The following PUDP variants were observed in gnomAD, a reference collection of about 807,000 sequenced individuals.
PUDP encodes the protein pseudouridine 5'-phosphatase, also known as pseudouridine-5'-phosphatase.
PUDP carries 8 observed loss-of-function variants against 9.4 expected under a neutral mutation model. The observed-to-expected ratio is 0.85, with a 90% confidence interval of 0.50 to 1.53. The LOEUF (loss-of-function observed/expected upper bound fraction) is 1.53, where lower values mean the gene tolerates loss of function less well. Among genes scored for constraint, PUDP ranks in the 40% most tolerant of loss-of-function variants. The probability of loss-of-function intolerance (pLI) is 0.00; values close to 1 mark genes in which losing one functional copy is unlikely to be tolerated. For synonymous variants in PUDP, 99 were observed against 80.7 expected, an observed-to-expected ratio of 1.23 and a Z score of -1.22; for missense variants, 188 against 189.7, an observed-to-expected ratio of 0.99 and a Z score of 0.05.
chrX:7,016,166 G>C (rs1203990820), intron 1 of PUDP, among the ~76,000 whole-genome samples: 2 of 108,217 alleles, frequency 1.8e-5, no homozygotes, highest in Admixed American at 2.0e-4. Context: ...CTCCATCTCT[G>C]CAAAAAATTA....
chrX:7,038,068 T>C (rs1244316840), intron 1 of PUDP, among the ~76,000 whole-genome samples: 1 of 112,701 alleles, frequency 8.9e-6, no homozygotes, highest in African/African-American at 3.2e-5. Context: ...ATTGCTTATA[T>C]AGACAGCCAC....
chrX:6,747,962 T>C (rs906762241), intron 3 of PUDP, among the ~76,000 whole-genome samples: 3 of 111,989 alleles, frequency 2.7e-5, no homozygotes, highest in African/African-American at 9.8e-5. Context: ...TACATGTCCT[T>C]CAGTTCATCA....
At chrX:7,111,892 T>C (rs1213864488) in intron 1 of PUDP, among the ~76,000 whole-genome samples, 3 of 110,821 alleles carry the variant, frequency 2.7e-5, no homozygotes, top group Non-Finnish European at 5.7e-5. Flanking sequence ...TTATAGGGAA[T>C]TGACAAGATC....
At chrX:7,079,493 C>T (rs1931017710) in intron 2 of PUDP, among the ~76,000 whole-genome samples, 1 of 112,685 alleles carries the variant, frequency 8.9e-6, no homozygotes, top group African/African-American at 3.2e-5. Flanking sequence ...TGTAATACTT[C>T]TCCCAACAAC....
chrX:6,706,623 C>T (rs1252130055), intron 1 of PUDP, among the ~76,000 whole-genome samples: 1 of 111,558 alleles, frequency 9.0e-6, no homozygotes, highest in Non-Finnish European at 1.9e-5. Context: ...AAGTGAGGTG[C>T]CGTGAAGGTG....
chrX:7,039,443 G>A (rs1929893549), intron 1 of PUDP, among the ~76,000 whole-genome samples: 1 of 112,122 alleles, frequency 8.9e-6, no homozygotes, highest in Non-Finnish European at 1.9e-5. Context: ...TGTATTTGGA[G>A]ATGGGTCATT....
At chrX:6,776,456 G>A (rs1211982478) in intron 3 of PUDP, among the ~76,000 whole-genome samples, 2 of 111,071 alleles carry the variant, frequency 1.8e-5, no homozygotes, top group African/African-American at 3.3e-5. Flanking sequence ...GCTTGAACCC[G>A]GGATGCAGAG....
intron 3 of PUDP, among the ~76,000 whole-genome samples, chrX:6,946,435 C>T (rs1479451271): frequency 2.7e-5 from 3 of 112,161 alleles, no homozygotes; most frequent in African/African-American, 9.7e-5. Context: ...GCTACATTTC[C>T]CAGTCTGTCA....
chrX:6,790,174 C>T (rs1003900141), intron 3 of PUDP, among the ~76,000 whole-genome samples: 1 of 111,069 alleles, frequency 9.0e-6, no homozygotes, highest in Non-Finnish European at 1.9e-5. Flanking sequence ...AGACAGATGA[C>T]AGATAATAGA....
chrX:6,921,079 G>C (rs766674946), intron 3 of PUDP, among the ~76,000 whole-genome samples: 1 of 110,679 alleles, frequency 9.0e-6, no homozygotes, highest in Admixed American at 9.7e-5. Context: ...CTTGAGTCAC[G>C]GGTCATCAGA....
chrX:6,966,429 C>T (rs1229586426), intron 3 of PUDP, among the ~76,000 whole-genome samples: 2 of 111,352 alleles, frequency 1.8e-5, no homozygotes, highest in African/African-American at 6.5e-5. Context: ...GATTATCTCA[C>T]TCTGCCATTT....
intron 3 of PUDP, among the ~76,000 whole-genome samples, chrX:6,927,992 T>C (rs1928132729): frequency 9.5e-6 from 1 of 105,463 alleles, no homozygotes; most frequent in Admixed American, 1.0e-4. Context: ...AGACAGACTG[T>C]CATCCAGGCT....
At chrX:7,076,171 C>A (rs1261824686) in intron 3 of PUDP, among the ~76,000 whole-genome samples, 2 of 112,055 alleles carry the variant, frequency 1.8e-5, no homozygotes, top group African/African-American at 3.2e-5. Flanking sequence ...AAAAACAGGT[C>A]TTTCAAGACT....
intron 3 of PUDP, among the ~76,000 whole-genome samples, chrX:6,753,040 G>C (rs2146671149): frequency 9.0e-6 from 1 of 110,626 alleles, no homozygotes; most frequent in African/African-American, 3.3e-5. Context: ...TACCTCTTTA[G>C]TGGTGATTTG....
intron 3 of PUDP, among the ~76,000 whole-genome samples, chrX:6,762,064 C>T (rs747191664): frequency 9.9e-5 from 11 of 111,442 alleles, no homozygotes; most frequent in Non-Finnish European, 1.3e-4. Flanking sequence ...ACGTGGCATA[C>T]GCCTGTAGTC....
rs1164222079 is a variant in PUDP at position 6,955,576 on chromosome X, T to C, written c.*247+21557A>G. Among the ~76,000 whole-genome samples, 2 of 111,564 alleles carry C rather than the reference T, an allele frequency of 1.8e-5. 1 individual carries two copies. The highest frequency in any genetic ancestry group is 3.8e-5 in the Non-Finnish European group (2 of 53,154). On this transcript the variant is annotated intron_variant and NMD_transcript_variant, in intron 3 of 3. Coordinates refer to the PUDP transcript ENST00000655425. Reference sequence around the variant, plus strand: ...TAGTTCTCATTATGCTTTTCTACTATATCCATATTTTCAACAGAAATTGTC... The same window carrying C: ...TAGTTCTCATTATGCTTTTCTACTACATCCATATTTTCAACAGAAATTGTC...
chrX:6,903,709 G>T (rs1373909561), intron 3 of PUDP, among the ~76,000 whole-genome samples: 1 of 110,828 alleles, frequency 9.0e-6, no homozygotes, highest in Non-Finnish European at 1.9e-5. Context: ...AAATATTGCA[G>T]TTCTCACTTA....
intron 3 of PUDP, among the ~76,000 whole-genome samples, chrX:6,816,749 G>A (rs11795960): frequency 1.1e-5 from 1 of 90,563 alleles, no homozygotes; most frequent in African/African-American, 4.0e-5. Flanking sequence ...TAGTATATAC[G>A]ATATAGTATA....
At position 7,111,640 on chromosome X, in the gene PUDP, G is replaced by A. The variant is rs757964238; in HGVS notation, c.62-5802C>T. The stretch of plus-strand genomic sequence containing the variant: ...TAGCCGGAAACTCTGGAAGCTAGCA[G>A]CCTTGGGTAAAGCACCTATAAAATG... On this transcript the variant is annotated intron_variant, in intron 1 of 3. Coordinates refer to ENST00000381077, the MANE Select transcript of PUDP (RefSeq NM_012080.5). Among the ~76,000 whole-genome samples, 3 of 111,336 alleles carry A rather than the reference G, an allele frequency of 2.7e-5. No individual in the cohort carries two copies. The East Asian group carries it at 8.5e-4, about 32-fold the overall frequency.
Sources: gnomAD v4.1 joint callset for allele counts (sites outside exome capture counted in the v4.1 genomes callset) on GRCh38, gnomAD v4.1.1 for gene constraint, MANE v1.5 for transcripts, NCBI Gene and HGNC (gene_info 2026-07-23, HGNC 2026-07-21) for gene names.